Variants in VEGFC observed in about 807,000 individuals in gnomAD.
VEGFC encodes FLT4 ligand DHM.
Under a neutral mutation model 46.1 loss-of-function variants are expected in VEGFC, and 12 were observed. The observed-to-expected ratio is 0.26, with a 90% CI of 0.17 to 0.42. The LOEUF (loss-of-function observed/expected upper bound fraction) is 0.42, where lower values mean the gene tolerates loss of function less well. VEGFC is among the 10% of genes least tolerant of loss of function. The probability of loss-of-function intolerance (pLI) is 1.00; values close to 1 mark genes in which losing one functional copy is unlikely to be tolerated. For synonymous variants in VEGFC, 232 were observed against 195.5 expected, an observed-to-expected ratio of 1.19 and a Z score of -1.56; for missense variants, 488 against 529.4, an observed-to-expected ratio of 0.92 and a Z score of 0.77.
intron 3 of VEGFC, among the ~76,000 whole-genome samples, chr4:176,712,232 T>A (rs1734632296): frequency 6.6e-6 from 1 of 152,156 alleles, no homozygotes; most frequent in Non-Finnish European, 1.5e-5. Context: ...CAAAAAAAAC[T>A]ACATTTATAA....
chr4:176,756,175 T>G (rs1735429881), intron 1 of VEGFC, among the ~76,000 whole-genome samples: 1 of 151,974 alleles, frequency 6.6e-6, no homozygotes, highest in African/African-American at 2.4e-5. Flanking sequence ...CAATATAAAT[T>G]TATAATATTC....
chr4:176,744,092 T>C (rs913861536), intron 1 of VEGFC, among the ~76,000 whole-genome samples: 1 of 152,036 alleles, frequency 6.6e-6, no homozygotes, highest in Admixed American at 6.6e-5. Context: ...AATTTGAATG[T>C]AGTAAAAATC....
chr4:176,692,380 C>T lies in VEGFC; in HGVS notation c.705-4453G>A, dbSNP rs1167994450. On this transcript the variant is annotated intron_variant, in intron 4 of 6. Coordinates refer to ENST00000618562, the MANE Select transcript of VEGFC (RefSeq NM_005429.5). ...CTGCACTCCAGCCTGGGCGACAGAG[C>T]GAGACTCCGTCTCAAAAACAAACAA... 8.0e-4 allele frequency among the ~76,000 whole-genome samples: 106 copies of T among 133,090 alleles called. 10 individuals carry two copies. Among genetic ancestry groups the T allele is most frequent in the Admixed American group, 1.4e-3 (19 of 13,872 alleles). 87.3% of individuals were successfully genotyped at this position (133,090 alleles called of 152,430 possible).
At chr4:176,684,674 G>A (rs554762587) in intron 6 of VEGFC, among the ~76,000 whole-genome samples, 1 of 152,288 alleles carries the variant, frequency 6.6e-6, no homozygotes, top group South Asian at 2.1e-4. Context: ...GTAGCGGTGA[G>A]AGGACAAATT....
intron 1 of VEGFC, among the ~76,000 whole-genome samples, chr4:176,762,507 G>C (rs1303978177): frequency 6.6e-6 from 1 of 152,092 alleles, no homozygotes; most frequent in Non-Finnish European, 1.5e-5. Context: ...TCAATCTCTA[G>C]AACTGTGAAA....
At chr4:176,710,843 C>T (rs1200468081) in intron 4 of VEGFC, among the ~76,000 whole-genome samples, 1 of 151,976 alleles carries the variant, frequency 6.6e-6, no homozygotes, top group Non-Finnish European at 1.5e-5. Context: ...TATATGATCA[C>T]ATGAGGTATA....
chr4:176,757,687 T>C (rs1340608634), intron 1 of VEGFC, among the ~76,000 whole-genome samples: 3 of 152,076 alleles, frequency 2.0e-5, no homozygotes, highest in Non-Finnish European at 4.4e-5. Context: ...TTTCTTCTAG[T>C]TGAACATACC....
intron 1 of VEGFC, among the ~76,000 whole-genome samples, chr4:176,732,490 C>G (rs1028542799): frequency 6.6e-6 from 1 of 151,708 alleles, no homozygotes; most frequent in Non-Finnish European, 1.5e-5. Context: ...AAAGATATCA[C>G]TAAAAATGGA....
chr4:176,706,238 T>A (rs530936242), intron 4 of VEGFC: 1 of 152,102 alleles, frequency 6.6e-6, no homozygotes, highest in East Asian at 1.9e-4. Context: ...GCATTCTTTA[T>A]CTTAGTGACT....
At chr4:176,780,387 A>AAAAAAAAAAAAAAACAAAC (rs541639588) in intron 1 of VEGFC, among the ~76,000 whole-genome samples, 2 of 114,760 alleles carry the variant, frequency 1.7e-5, no homozygotes, top group Admixed American at 1.0e-4. Flanking sequence ...ATCTCAAAAA[A>AAAAAAAAAAAAAAACAAAC]AAAAAAAAAA....
intron 1 of VEGFC, among the ~76,000 whole-genome samples, chr4:176,761,573 C>T (rs1177455141): frequency 6.6e-6 from 1 of 152,028 alleles, no homozygotes; most frequent in Non-Finnish European, 1.5e-5. Flanking sequence ...AACAATGTCG[C>T]AGTTTTATTA....
chr4:176,687,614 T>A, intron 5 of VEGFC, 94 bp from the exon 6 acceptor site: 1 of 1,293,696 alleles, frequency 7.7e-7, no homozygotes, highest in Non-Finnish European at 1.0e-6. Flanking sequence ...CTTTTGTATG[T>A]TTTCCATCAA....
At chr4:176,697,353 A>G (rs1734336203) in intron 4 of VEGFC, among the ~76,000 whole-genome samples, 1 of 152,170 alleles carries the variant, frequency 6.6e-6, no homozygotes, top group African/African-American at 2.4e-5. Context: ...TCAAAAGAAG[A>G]CATTTATGCA....
chr4:176,731,910 A>G (rs1200593936), intron 1 of VEGFC, among the ~76,000 whole-genome samples: 1 of 152,054 alleles, frequency 6.6e-6, no homozygotes, highest in Non-Finnish European at 1.5e-5. Flanking sequence ...TATTAAAAAA[A>G]CACTGTTCCT....
intron 4 of VEGFC, among the ~76,000 whole-genome samples, chr4:176,689,978 T>C (rs554529241): frequency 1.2e-3 from 190 of 152,308 alleles, no homozygotes; most frequent in African/African-American, 4.4e-3. Context: ...ACTATAATTG[T>C]TCCCATTTAG....
chr4:176,741,845 C>A (rs1735181193), intron 1 of VEGFC, among the ~76,000 whole-genome samples: 1 of 151,908 alleles, frequency 6.6e-6, no homozygotes, highest in Non-Finnish European at 1.5e-5. Context: ...TAAAGTAAGT[C>A]TCCTAATTAA....
At chr4:176,728,965 G>C (rs1194135010) in intron 2 of VEGFC, among the ~76,000 whole-genome samples, 1 of 151,998 alleles carries the variant, frequency 6.6e-6, no homozygotes, top group Non-Finnish European at 1.5e-5. Flanking sequence ...CCTCCCAATG[G>C]TCTCGGATTA....
At chr4:176,785,737 A>T (rs1372875265) in intron 1 of VEGFC, among the ~76,000 whole-genome samples, 2 of 152,164 alleles carry the variant, frequency 1.3e-5, no homozygotes, top group East Asian at 3.9e-4. Context: ...TATTTCAATG[A>T]ACTGTCTACA....
chr4:176,730,406 T>C (rs1734943396), intron 1 of VEGFC, among the ~76,000 whole-genome samples: 1 of 152,142 alleles, frequency 6.6e-6, no homozygotes, highest in Non-Finnish European at 1.5e-5. Context: ...CTCATTTAAG[T>C]AGAACATTCC....
Sources: allele counts gnomAD v4.1 joint callset (sites outside exome capture counted in the v4.1 genomes callset), GRCh38; gene constraint gnomAD v4.1.1; transcripts MANE v1.5; gene names NCBI Gene and HGNC (gene_info 2026-07-23, HGNC 2026-07-21).